ZNF208: variants seen among roughly 807,000 people sequenced by gnomAD.
The protein encoded by ZNF208 is zinc finger protein 95.
In ZNF208, 10 loss-of-function variants were observed where a neutral mutation model predicts 12.1. The observed-to-expected ratio is 0.83, with a 90% CI of 0.51 to 1.40. The LOEUF is 1.40. Among genes scored for constraint, ZNF208 ranks in the 40% most tolerant of loss-of-function variants. ZNF208 has a pLI of 0.00. For synonymous variants in ZNF208, 497 were observed against 488.4 expected, an observed-to-expected ratio of 1.02 and a Z score of -0.23; for missense variants, 1,652 against 1,485.0, an observed-to-expected ratio of 1.11 and a Z score of -1.85.
chr19:21,952,754 C>T (rs1046837690), intron 4 of ZNF208, among the ~76,000 whole-genome samples: 9 of 152,134 alleles, frequency 5.9e-5, no homozygotes, highest in African/African-American at 1.2e-4. Flanking sequence ...AACCAGGGCA[C>T]CTTTTCTCCT....
rs189304390 is a variant in ZNF208, at chr19:21,989,002, T to A, written c.4-93A>T. On this transcript the variant is annotated intron_variant, in intron 1 of 3. Transcript: ENST00000397126. ...AAATGCAGAGAGTAAAGAGAGCTGG[T>A]TCTGACTTATAAGCATGACTGAAAT... 754 of 1,513,876 alleles carry A rather than the reference T, an allele frequency of 5.0e-4. 2 individuals are homozygous for A. The African/African-American group carries it at 9.6e-3, about 19-fold the overall frequency. The allele number at this position is 1,513,876 out of a possible 1,614,324, so 93.8% of individuals were successfully genotyped here.
chr19:21,987,001 G>A, intron 3 of ZNF208: 2 of 511,622 alleles, frequency 3.9e-6, no homozygotes, highest in South Asian at 3.6e-5. Flanking sequence ...AAACTTGAAG[G>A]AAGATTACTG....
chr19:22,005,904 A>G (rs1242297253), intron 1 of ZNF208, among the ~76,000 whole-genome samples: 1 of 152,152 alleles, frequency 6.6e-6, no homozygotes, highest in African/African-American at 2.4e-5. Flanking sequence ...TTATGAAAAG[A>G]AAAACCCTTC....
chr19:22,000,081 T>C (rs925904702), intron 1 of ZNF208, among the ~76,000 whole-genome samples: 6 of 152,178 alleles, frequency 3.9e-5, no homozygotes, highest in African/African-American at 1.4e-4. Context: ...TAGAGACCTA[T>C]GAAGAGACTC....
intron 4 of ZNF208, among the ~76,000 whole-genome samples, chr19:21,945,144 C>A (rs1488557069): frequency 6.6e-6 from 1 of 152,142 alleles, no homozygotes; most frequent in Non-Finnish European, 1.5e-5. Context: ...GAGGGCCATC[C>A]AGAACATGCT....
intron 1 of ZNF208, among the ~76,000 whole-genome samples, chr19:22,005,843 A>T (rs1163887357): frequency 6.6e-6 from 1 of 152,204 alleles, no homozygotes. Context: ...TATAGATAAT[A>T]AATAGCCGGG....
Position 21,969,503 on chromosome 19 carries a change from T to C in ZNF208, c.*1688A>G, listed in dbSNP as rs1970238473. 6.6e-6 allele frequency among the ~76,000 whole-genome samples: 1 copy of C among 152,206 alleles called. No individual in the cohort carries two copies. Among genetic ancestry groups the C allele is most frequent in the South Asian group, 2.1e-4 (1 of 4,832 alleles). On this transcript the variant is annotated 3_prime_UTR_variant, in exon 4 of 4. Coordinates refer to ENST00000397126, the MANE Select transcript of ZNF208 (RefSeq NM_007153.3). Reference sequence around the variant, plus strand: ...GCTGATATTTACATAAACTTAATTTTGGATTAAATATTTTTTATATTTACT... The same window carrying C: ...GCTGATATTTACATAAACTTAATTTCGGATTAAATATTTTTTATATTTACT...
intron 3 of ZNF208, among the ~76,000 whole-genome samples, chr19:21,980,809 T>C (rs1358362963): frequency 6.6e-6 from 1 of 151,618 alleles, no homozygotes; most frequent in African/African-American, 2.4e-5. Flanking sequence ...CAAAATAGAC[T>C]GCTAGCCAGT....
chr19:21,955,654 C>T (rs1341623336), intron 4 of ZNF208, among the ~76,000 whole-genome samples: 1 of 152,118 alleles, frequency 6.6e-6, no homozygotes, highest in Non-Finnish European at 1.5e-5. Flanking sequence ...TCATGTAGTT[C>T]TTGTGCCAAG....
intron 4 of ZNF208, among the ~76,000 whole-genome samples, chr19:21,955,656 T>C (rs1969961752): frequency 6.6e-6 from 1 of 151,130 alleles, no homozygotes; most frequent in Non-Finnish European, 1.5e-5. Flanking sequence ...ATGTAGTTCT[T>C]GTGCCAAGGT....
intron 4 of ZNF208, among the ~76,000 whole-genome samples, chr19:21,949,456 TG>T (rs1969860035): frequency 6.6e-6 from 1 of 152,068 alleles, no homozygotes; most frequent in Non-Finnish European, 1.5e-5. Flanking sequence ...CCAAACTCAT[TG>T]GGGGGACCTT....
Position 22,000,125 on chromosome 19 carries a change from C to G in ZNF208, c.3+10667G>C, listed in dbSNP as rs141199534. Among the ~76,000 whole-genome samples the G allele has an allele frequency of 1.2e-3, 184 of 152,334 alleles. 1 individual carries two copies. Among genetic ancestry groups the G allele is most frequent in the African/African-American group, 4.2e-3 (173 of 41,580 alleles). On this transcript the variant is annotated intron_variant, in intron 1 of 3. Transcript: ENST00000397126. The stretch of plus-strand genomic sequence containing the variant: ...ACACAGTAATAATCGGAGACTACAT[C>G]TGACAAGCACTAATGGACAGATCAT...
At chr19:21,985,847 A>G (rs1467200096) in intron 3 of ZNF208, among the ~76,000 whole-genome samples, 1 of 152,210 alleles carries the variant, frequency 6.6e-6, no homozygotes, top group Non-Finnish European at 1.5e-5. Flanking sequence ...CAGTGAAACC[A>G]TACTAATCCA....
intron 3 of ZNF208, 25 bp downstream of exon 3, chr19:21,987,191 G>GT: frequency 6.3e-7 from 1 of 1,599,972 alleles, no homozygotes; most frequent in East Asian, 2.3e-5. Context: ...TCTCATCCAT[G>GT]TTGTCTGTAT....
chr19:21,999,643 T>C (rs570053047), intron 1 of ZNF208, among the ~76,000 whole-genome samples: 19 of 152,076 alleles, frequency 1.2e-4, no homozygotes, highest in Non-Finnish European at 1.8e-4. Context: ...CTGAACAAAT[T>C]TGTGTCTACT....
chr19:22,010,664 C>T, intron 1 of ZNF208, 128 bp downstream of exon 1: 1 of 1,443,046 alleles, frequency 6.9e-7, no homozygotes, highest in Non-Finnish European at 9.7e-7. Context: ...TGAGGTCGAG[C>T]TAGGCAAGAA....
intron 3 of ZNF208, 141 bp from the exon 4 acceptor site, chr19:21,974,948 C>T (rs557434561): frequency 9.6e-5 from 102 of 1,065,290 alleles, no homozygotes; most frequent in Middle Eastern, 8.8e-4. Context: ...TCTTCATAGA[C>T]ATATAAATCT....
intron 1 of ZNF208, among the ~76,000 whole-genome samples, chr19:22,000,742 A>C (rs998397759): frequency 6.6e-6 from 1 of 152,146 alleles, no homozygotes; most frequent in African/African-American, 2.4e-5. Flanking sequence ...AGACATGAAA[A>C]ATTACAAAAT....
intron 4 of ZNF208, among the ~76,000 whole-genome samples, chr19:21,952,974 A>G (rs1457456841): frequency 6.6e-6 from 1 of 152,242 alleles, no homozygotes; most frequent in African/African-American, 2.4e-5. Context: ...AAGACCTTAA[A>G]TGACCTGATG....
Sources: allele counts gnomAD v4.1 joint callset (sites outside exome capture counted in the v4.1 genomes callset), GRCh38; gene constraint gnomAD v4.1.1; transcripts MANE v1.5; gene names NCBI Gene and HGNC (gene_info 2026-07-23, HGNC 2026-07-21).